The following TRERF1 variants were observed in gnomAD, a reference collection of about 807,000 sequenced individuals.
The protein encoded by TRERF1 is transcriptional-regulating factor 1.
Under a neutral mutation model 122.9 loss-of-function variants are expected in TRERF1, and 27 were observed. The observed-to-expected ratio is 0.22, with a 90% CI of 0.16 to 0.30. TRERF1 has a LOEUF of 0.30. TRERF1 is among the 10% of genes least tolerant of loss of function. The pLI is 1.00. For missense variants in TRERF1, 1,248 were observed against 1,560.3 expected (o/e 0.80, Z 3.37); for synonymous variants, 636 against 641.7 (o/e 0.99, Z 0.13).
Position 42,228,594 on chromosome 6 carries a change from C to T in TRERF1, c.3354G>A (p.Lys1118=). The change falls in exon 18 of 18, where the codon AAG becomes AAA. Residue 1118 remains lysine, a synonymous_variant. Coordinates refer to ENST00000372922, the Ensembl canonical transcript of TRERF1. This position sits in a 1 kb window ranked among gnomAD's most constrained non-coding sequence, Gnocchi z 4.2. Reference sequence around the variant, plus strand: ...CAGCTGCAAAAGCCGCCTTCTGAGCCTTTTGCCTCTGTTGTTCCTCCTGCT... The same window carrying T: ...CAGCTGCAAAAGCCGCCTTCTGAGCTTTTTGCCTCTGTTGTTCCTCCTGCT... 2 of 1,614,218 alleles carry T rather than the reference C, an allele frequency of 1.2e-6. No homozygotes were observed. Among genetic ancestry groups the T allele is most frequent in the South Asian group, 1.1e-5 (1 of 91,072 alleles).
chr6:42,341,345 C>A (rs931441853), intron 3 of TRERF1, among the ~76,000 whole-genome samples: 2 of 152,212 alleles, frequency 1.3e-5, no homozygotes, highest in Admixed American at 1.3e-4. Context: ...GAGCATCATT[C>A]TTATCACCAT....
At chr6:42,349,008 G>A (rs1768868933) in intron 3 of TRERF1, among the ~76,000 whole-genome samples, 1 of 152,156 alleles carries the variant, frequency 6.6e-6, no homozygotes, top group African/African-American at 2.4e-5. Context: ...ATCTCTCAGG[G>A]TCATTTATAG....
At chr6:42,389,204 G>T (rs562181986) in intron 2 of TRERF1, among the ~76,000 whole-genome samples, 1 of 152,236 alleles carries the variant, frequency 6.6e-6, no homozygotes, top group Admixed American at 6.5e-5. Context: ...AATCTGTAAG[G>T]CTGTGGCACA....
intron 3 of TRERF1, among the ~76,000 whole-genome samples, chr6:42,339,087 C>T (rs1317774450): frequency 6.6e-6 from 1 of 152,178 alleles, no homozygotes; most frequent in Non-Finnish European, 1.5e-5. Context: ...AAAGCCAAAA[C>T]ACGAAGAAGG....
Position 42,445,225 on chromosome 6 carries a change from G to A in TRERF1, c.-454+5952C>T, listed in dbSNP as rs1226781064. Among the ~76,000 whole-genome samples the A allele has an allele frequency of 5.3e-5, 8 of 149,652 alleles. No individual in the cohort carries two copies. In the South Asian group the frequency reaches 6.4e-4, roughly 12 times the overall value. ...CAGAGGTTGCATGAGCTGAGATCAC[G>A]CCACTGCACTCCAGCCTGGACAACA... On this transcript the variant is annotated intron_variant, in intron 2 of 17. Transcript: ENST00000372922.
rs904310348 is a variant in TRERF1, at chr6:42,268,589, C to G, written c.1002G>C (p.Gln334His). ...GTTGCTGCTGCTGCTCTTGCAAGTG[C>G]TGCATCATGGGTTGGGGCTGATAAT... The change falls in exon 5 of 18, where the codon CAG becomes CAC. Residue 334 changes from glutamine (Q) to histidine (H), a missense_variant. By Grantham distance (24) the Gln-to-His change is conservative. Transcript: ENST00000372922. The surrounding 1 kb of genome is among the most constrained non-coding windows in gnomAD (Gnocchi z 4.4). 6 of 1,614,080 alleles carry G rather than the reference C, an allele frequency of 3.7e-6. No individual in the cohort carries two copies. Among genetic ancestry groups the G allele is most frequent in the Middle Eastern group, 3.3e-4 (2 of 6,060 alleles).
At position 42,431,948 on chromosome 6, in the gene TRERF1, A is replaced by C. The variant is rs75746943; in HGVS notation, c.-454+19229T>G. ...CTGAGGAAGCCCTGAAATAAGCTAA[A>C]ATGGTTAGAAAGAAAGTGATAATAA... On this transcript the variant is annotated intron_variant, in intron 2 of 17. Transcript: ENST00000372922. Among the ~76,000 whole-genome samples the C allele has an allele frequency of 3.0e-3, 459 of 152,318 alleles. 3 individuals carry two copies. Among genetic ancestry groups the C allele is most frequent in the African/African-American group, 0.01 (435 of 41,552 alleles).
At chr6:42,359,201 A>G (rs1239451356) in intron 3 of TRERF1, among the ~76,000 whole-genome samples, 1 of 152,194 alleles carries the variant, frequency 6.6e-6, no homozygotes, top group African/African-American at 2.4e-5. Flanking sequence ...GGATTCTGAG[A>G]GGTCAGCCCT....
At chr6:42,353,360 A>G (rs951440109) in intron 3 of TRERF1, among the ~76,000 whole-genome samples, 1 of 151,916 alleles carries the variant, frequency 6.6e-6, no homozygotes, top group African/African-American at 2.4e-5. Context: ...GGCGAGGCGC[A>G]TGGATCATCT....
intron 14 of TRERF1, among the ~76,000 whole-genome samples, chr6:42,245,400 C>T (rs1774592441): frequency 6.6e-6 from 1 of 152,234 alleles, no homozygotes; most frequent in African/African-American, 2.4e-5. Context: ...CAACAGGAGA[C>T]ATGCCACCCT....
chr6:42,262,560 A>G, intron 8 of TRERF1, among the ~76,000 whole-genome samples: 1 of 137,498 alleles, frequency 7.3e-6, no homozygotes, highest in Admixed American at 7.1e-5. Flanking sequence ...AGAGAGAGAG[A>G]GAGAGAGAGA....
rs1478691998 is a variant in TRERF1 at position 42,232,981 on chromosome 6, G to C, written c.3067-89C>G. 3 of 1,463,112 alleles carry C rather than the reference G, an allele frequency of 2.1e-6. No homozygotes were observed. The highest frequency in any genetic ancestry group is 2.8e-5 in the African/African-American group (2 of 71,184). 90.6% of individuals were successfully genotyped at this position (1,463,112 alleles called of 1,614,324 possible). On this transcript the variant is annotated intron_variant, in intron 16 of 17. Transcript: ENST00000372922. The surrounding 1 kb of genome is among the most constrained non-coding windows in gnomAD (Gnocchi z 4.5). The stretch of plus-strand genomic sequence containing the variant: ...ACTCAGTGGTAAACATGGAATACTT[G>C]AAACTGTCTAATGACAGGGCACAAG...
At chr6:42,433,290 G>A (rs1318384933) in intron 2 of TRERF1, among the ~76,000 whole-genome samples, 2 of 151,906 alleles carry the variant, frequency 1.3e-5, no homozygotes, top group Non-Finnish European at 2.9e-5. Context: ...AGATTTAAGA[G>A]CCCAAGATAC....
At chr6:42,350,490 C>T (rs576763099) in intron 3 of TRERF1, among the ~76,000 whole-genome samples, 3 of 152,270 alleles carry the variant, frequency 2.0e-5, no homozygotes, top group Admixed American at 2.0e-4. Context: ...TCTCAGCCTG[C>T]CTCTCTGCCT....
At chr6:42,306,203 T>C (rs968034404) in intron 3 of TRERF1, among the ~76,000 whole-genome samples, 2 of 151,930 alleles carry the variant, frequency 1.3e-5, no homozygotes, top group African/African-American at 2.4e-5. Flanking sequence ...GGTTTTGCCA[T>C]ATTGGCCAGT....
intron 2 of TRERF1, among the ~76,000 whole-genome samples, chr6:42,410,451 A>C (rs1382661043): frequency 6.6e-6 from 1 of 152,108 alleles, no homozygotes; most frequent in Non-Finnish European, 1.5e-5. Flanking sequence ...ACCTGATCTC[A>C]ACACTCATTT....
intron 2 of TRERF1, among the ~76,000 whole-genome samples, chr6:42,379,587 G>A (rs1165786899): frequency 6.6e-6 from 1 of 152,140 alleles, no homozygotes; most frequent in Non-Finnish European, 1.5e-5. Flanking sequence ...CTGGAGTGCA[G>A]TGGCGCAATC....
chr6:42,351,890 G>A (rs1414332953), intron 3 of TRERF1, among the ~76,000 whole-genome samples: 1 of 152,202 alleles, frequency 6.6e-6, no homozygotes, highest in Non-Finnish European at 1.5e-5. Flanking sequence ...CTGGGCTGCT[G>A]AATCACTCAG....
At chr6:42,250,992 CTT>C (rs70987586) in intron 13 of TRERF1, among the ~76,000 whole-genome samples, 55 of 97,600 alleles carry the variant, frequency 5.6e-4, no homozygotes, top group Middle Eastern at 6.9e-3. Context: ...TCTTTTGCTT[CTT>C]TTTTTTTTTT....
Sources: allele counts gnomAD v4.1 joint callset (sites outside exome capture counted in the v4.1 genomes callset), GRCh38; gene constraint gnomAD v4.1.1; non-coding constraint Gnocchi (gnomAD v3.1); transcripts MANE v1.5; gene names NCBI Gene and HGNC (gene_info 2026-07-23, HGNC 2026-07-21).